Variants in ZNF573 observed in about 807,000 individuals in gnomAD.
The protein encoded by ZNF573 is zinc finger protein 573.
Under a neutral mutation model 57.4 loss-of-function variants are expected in ZNF573, and 41 were observed. That is an observed-to-expected ratio of 0.71 (90% CI 0.56 to 0.93). ZNF573 has a LOEUF of 0.93. ZNF573 is among the 40% of genes least tolerant of loss of function. ZNF573 has a pLI of 0.00. For synonymous variants in ZNF573, 249 were observed against 261.0 expected (o/e 0.95, Z 0.44); for missense variants, 730 against 794.8 (o/e 0.92, Z 0.98).
chr19:37,766,018 C>T (rs1023495690), intron 4 of ZNF573, among the ~76,000 whole-genome samples: 3 of 150,380 alleles, frequency 2.0e-5, no homozygotes, highest in East Asian at 1.9e-4. Flanking sequence ...TCAGCCTGGG[C>T]GACAAGAGCA....
intron 4 of ZNF573, chr19:37,740,588 T>C (rs773416294): frequency 2.2e-6 from 1 of 458,170 alleles, no homozygotes; most frequent in South Asian, 1.6e-5. Context: ...TCGAGTGATT[T>C]TTCACTGTTC....
At chr19:37,746,332 A>T (rs1430694587) in intron 4 of ZNF573, among the ~76,000 whole-genome samples, 2 of 152,240 alleles carry the variant, frequency 1.3e-5, no homozygotes, top group Non-Finnish European at 2.9e-5. Context: ...TGTGTTACAC[A>T]TACACTGGAG....
chr19:37,770,211 G>A, intron 3 of ZNF573, 114 bp from the exon 4 acceptor site: 2 of 781,754 alleles, frequency 2.6e-6, no homozygotes, highest in South Asian at 1.9e-5. Context: ...AGAGGGGTGA[G>A]ATGATTGAAG....
intron 4 of ZNF573, among the ~76,000 whole-genome samples, chr19:37,749,313 A>G (rs1317328214): frequency 6.6e-6 from 1 of 151,856 alleles, no homozygotes; most frequent in Non-Finnish European, 1.5e-5. Flanking sequence ...ACATACATAT[A>G]TACACAAATA....
chr19:37,744,608 G>A (rs1429950120), intron 4 of ZNF573, among the ~76,000 whole-genome samples: 3 of 151,680 alleles, frequency 2.0e-5, no homozygotes, highest in African/African-American at 7.3e-5. Flanking sequence ...GGGCATGGTG[G>A]CATGCACTTG....
intron 4 of ZNF573, among the ~76,000 whole-genome samples, chr19:37,753,080 C>CCCCG (rs1414942582): frequency 6.6e-6 from 1 of 152,034 alleles, no homozygotes; most frequent in Non-Finnish European, 1.5e-5. Context: ...AAAAGCAAGA[C>CCCCG]CCCGTCTCTA....
chr19:37,744,943 C>T (rs1043129397), intron 4 of ZNF573, among the ~76,000 whole-genome samples: 2 of 149,832 alleles, frequency 1.3e-5, no homozygotes, highest in Non-Finnish European at 3.0e-5. Context: ...CACCACGCCC[C>T]GCTAAATTTT....
chr19:37,762,840 C>T (rs183441306), intron 4 of ZNF573, among the ~76,000 whole-genome samples: 34 of 150,762 alleles, frequency 2.3e-4, no homozygotes, highest in African/African-American at 7.1e-4. Flanking sequence ...GGTGCGATCT[C>T]GGCTCACTGC....
At position 37,738,781 on chromosome 19, in the gene ZNF573, G is replaced by A. The variant is rs1218790438; in HGVS notation, c.1709C>T (p.Thr570Ile). Reference protein sequence around the residue: ...GKTFRRSSHLTAHQSIHADKK... With the variant: ...GKTFRRSSHLIAHQSIHADKK... ...ATCAGCATGAATGCTCTGATGTGCA[G>A]TAAGGTGTGAACTACGTCTAAAGGT... is the stretch of plus-strand genomic sequence containing the variant. The change falls in exon 5 of 5, where the codon ACT becomes ATT. Residue 570 changes from threonine (T) to isoleucine (I), a missense_variant. By Grantham distance (89) the Thr-to-Ile change is moderately conservative. Coordinates refer to ENST00000536220, the MANE Select transcript of ZNF573 (RefSeq NM_001172690.2). The A allele has an allele frequency of 1.2e-6, 2 of 1,613,948 alleles. No individual in the cohort carries two copies. Among genetic ancestry groups the A allele is most frequent in the Non-Finnish European group, 1.7e-6 (2 of 1,180,028 alleles).
At chr19:37,764,383 C>G (rs1272364361) in intron 4 of ZNF573, among the ~76,000 whole-genome samples, 1 of 149,846 alleles carries the variant, frequency 6.7e-6, no homozygotes, top group Non-Finnish European at 1.5e-5. Context: ...TGCAGTGGCC[C>G]GATCTCGGCT....
At chr19:37,776,865 T>C (rs1104400) in intron 1 of ZNF573, among the ~76,000 whole-genome samples, 147,493 of 152,336 alleles carry the variant, frequency 0.97, 71,444 homozygotes, top group African/African-American at 0.99. Flanking sequence ...ATACAAATGG[T>C]CAACAAACAT....
chr19:37,763,543 G>A (rs1367875364), intron 4 of ZNF573, among the ~76,000 whole-genome samples: 9 of 151,462 alleles, frequency 5.9e-5, no homozygotes, highest in South Asian at 2.1e-4. Context: ...CAGCCTGGGC[G>A]ACAGAGTGAG....
In ZNF573 at chr19:37,738,585, C is replaced by T. The variant is rs773579738; in HGVS notation, c.1905G>A (p.Glu635=). 1.9e-5 allele frequency: 30 copies of T among 1,608,564 alleles called. No individual in the cohort carries two copies. Among genetic ancestry groups the T allele is most frequent in the Non-Finnish European group, 2.5e-5 (30 of 1,177,686 alleles). The change falls in exon 5 of 5, where the codon GAG becomes GAA. Residue 635 remains glutamate, a synonymous_variant. Transcript: ENST00000536220. ...CACACTGCTTACACACATAGGGTTT[C>T]TCACCAGTATGAATTCTCTCATGTT... ...LVQHERIHTG[E]KPYVCKQCGK...
At chr19:37,740,492 G>A (rs781513423) in intron 4 of ZNF573, 1 of 458,600 alleles carries the variant, frequency 2.2e-6, no homozygotes, top group Non-Finnish European at 4.1e-6. Flanking sequence ...TTAAAACTGA[G>A]AGGAGAGAAA....
intron 4 of ZNF573, among the ~76,000 whole-genome samples, chr19:37,750,113 C>G (rs1409736471): frequency 6.7e-6 from 1 of 150,170 alleles, no homozygotes; most frequent in Non-Finnish European, 1.5e-5. Flanking sequence ...GATGGAGTCT[C>G]CCTTTGTTGC....
At chr19:37,771,827 G>T in intron 2 of ZNF573, 131 bp from the exon 3 acceptor site, 1 of 856,478 alleles carries the variant, frequency 1.2e-6, no homozygotes, top group Non-Finnish European at 1.7e-6. Flanking sequence ...CTAAAGCAAC[G>T]TGTCTACATA....
intron 4 of ZNF573, among the ~76,000 whole-genome samples, chr19:37,743,056 T>C (rs1490052174): frequency 6.6e-6 from 1 of 152,094 alleles, no homozygotes; most frequent in African/African-American, 2.4e-5. Context: ...CGGTGGCTCA[T>C]GCCTGTAATC....
chr19:37,764,607 C>CTT (rs559596334), intron 4 of ZNF573, among the ~76,000 whole-genome samples: 6 of 138,484 alleles, frequency 4.3e-5, no homozygotes, highest in Non-Finnish European at 7.9e-5. Context: ...GCATGAGTCA[C>CTT]TTTTTTTTTT....
intron 4 of ZNF573, among the ~76,000 whole-genome samples, chr19:37,750,714 C>T (rs1014917358): frequency 4.0e-5 from 6 of 151,606 alleles, no homozygotes; most frequent in South Asian, 2.1e-4. Flanking sequence ...TAGCCAGACA[C>T]GGAGGCTCAC....
Sources: allele counts gnomAD v4.1 joint callset (sites outside exome capture counted in the v4.1 genomes callset), GRCh38; gene constraint gnomAD v4.1.1; transcripts MANE v1.5; gene names NCBI Gene and HGNC (gene_info 2026-07-23, HGNC 2026-07-21).